The following HS6ST3 variants were observed in gnomAD, a reference collection of about 807,000 sequenced individuals.
HS6ST3 encodes heparan sulfate 6-O-sulfotransferase 3, also known as heparan-sulfate 6-O-sulfotransferase 3.
In HS6ST3, 12 loss-of-function variants were observed where a neutral mutation model predicts 36.7. That is an observed-to-expected ratio of 0.33 (90% CI 0.21 to 0.53). HS6ST3 has a LOEUF of 0.53. Ranked by LOEUF, HS6ST3 falls within the 20% of genes least tolerant of loss-of-function variation. The pLI is 0.95. For synonymous variants in HS6ST3, 240 were observed against 257.5 expected (o/e 0.93, Z 0.65); for missense variants, 584 against 640.9 (o/e 0.91, Z 0.96).
chr13:96,232,088 G>T (rs1016897313), intron 1 of HS6ST3, among the ~76,000 whole-genome samples: 1 of 152,140 alleles, frequency 6.6e-6, no homozygotes, highest in African/African-American at 2.4e-5. Context: ...TGGAAAAGAG[G>T]TACAGCACAT....
At chr13:96,634,181 C>A (rs909433421) in intron 1 of HS6ST3, among the ~76,000 whole-genome samples, 1 of 152,188 alleles carries the variant, frequency 6.6e-6, no homozygotes, top group Non-Finnish European at 1.5e-5. Context: ...TTTTAAGCCA[C>A]CCCATCTATG....
chr13:96,224,648 C>T (rs1025453525), intron 1 of HS6ST3, among the ~76,000 whole-genome samples: 5 of 152,190 alleles, frequency 3.3e-5, no homozygotes, highest in African/African-American at 1.2e-4. Context: ...ACAAAACAAC[C>T]TTGCTTATAT....
At chr13:96,094,885 A>G (rs774034602) in intron 1 of HS6ST3, among the ~76,000 whole-genome samples, 1 of 151,888 alleles carries the variant, frequency 6.6e-6, no homozygotes, top group Non-Finnish European at 1.5e-5. Flanking sequence ...TTTCCCCCTC[A>G]GTTATTTTTT....
At chr13:96,647,508 G>A (rs1374009152) in intron 1 of HS6ST3, among the ~76,000 whole-genome samples, 1 of 151,944 alleles carries the variant, frequency 6.6e-6, no homozygotes, top group Non-Finnish European at 1.5e-5. Flanking sequence ...TAAGTGCGAT[G>A]CCTTGTACCA....
intron 1 of HS6ST3, among the ~76,000 whole-genome samples, chr13:96,794,313 A>G (rs770506616): frequency 3.9e-5 from 6 of 152,100 alleles, no homozygotes; most frequent in Non-Finnish European, 8.8e-5. Context: ...AGTATATGCA[A>G]AACACATCTG....
At chr13:96,527,154 A>G (rs1405105802) in intron 1 of HS6ST3, among the ~76,000 whole-genome samples, 1 of 151,986 alleles carries the variant, frequency 6.6e-6, no homozygotes, top group Non-Finnish European at 1.5e-5. Context: ...CAGTGGAACA[A>G]TCACGGCTCA....
At chr13:96,364,058 GA>G (rs1234968022) in intron 1 of HS6ST3, among the ~76,000 whole-genome samples, 5 of 151,946 alleles carry the variant, frequency 3.3e-5, no homozygotes. Context: ...CATTCTTGAA[GA>G]AAAAATAATT....
At chr13:96,623,732 G>T (rs2056502978) in intron 1 of HS6ST3, among the ~76,000 whole-genome samples, 2 of 152,154 alleles carry the variant, frequency 1.3e-5, no homozygotes, top group African/African-American at 2.4e-5. Context: ...GTTGAGAGTG[G>T]TGTTACCTTC....
chr13:96,166,039 T>G (rs1159418614), intron 1 of HS6ST3, among the ~76,000 whole-genome samples: 1 of 151,078 alleles, frequency 6.6e-6, no homozygotes, highest in Non-Finnish European at 1.5e-5. Context: ...TTTATTTATT[T>G]ATTTATTTAT....
chr13:96,222,643 CA>C (rs2054461644), intron 1 of HS6ST3, among the ~76,000 whole-genome samples: 1 of 152,190 alleles, frequency 6.6e-6, no homozygotes, highest in Non-Finnish European at 1.5e-5. Flanking sequence ...GTACTGTATT[CA>C]GGCCTATCGC....
intron 1 of HS6ST3, among the ~76,000 whole-genome samples, chr13:96,481,215 T>G (rs2055888594): frequency 6.6e-6 from 1 of 152,168 alleles, no homozygotes. Flanking sequence ...AAAATCAAAG[T>G]GCACGTGACC....
chr13:96,258,477 G>A (rs1429332477), intron 1 of HS6ST3, among the ~76,000 whole-genome samples: 1 of 152,108 alleles, frequency 6.6e-6, no homozygotes, highest in Non-Finnish European at 1.5e-5. Context: ...TCTGGCTGTG[G>A]GATTAATTGT....
At chr13:96,700,537 CT>C (rs1221436065) in intron 1 of HS6ST3, among the ~76,000 whole-genome samples, 2 of 152,078 alleles carry the variant, frequency 1.3e-5, no homozygotes, top group African/African-American at 4.8e-5. Flanking sequence ...TACATTATTC[CT>C]TTTACATTCT....
chr13:96,750,537 A>G (rs1876675460), intron 1 of HS6ST3, among the ~76,000 whole-genome samples: 1 of 152,236 alleles, frequency 6.6e-6, no homozygotes, highest in African/African-American at 2.4e-5. Context: ...TGTGAATGAG[A>G]CAATTGTTTT....
At chr13:96,564,865 ACTAT>A (rs1179093014) in intron 1 of HS6ST3, among the ~76,000 whole-genome samples, 3 of 152,192 alleles carry the variant, frequency 2.0e-5, no homozygotes, top group Admixed American at 6.5e-5. Context: ...TCCATGAGAG[ACTAT>A]CTATTTTCCA....
At chr13:96,799,980 A>ATGTATATATATATGTGTG (rs1566456830) in intron 1 of HS6ST3, among the ~76,000 whole-genome samples, 1 of 76,634 alleles carries the variant, frequency 1.3e-5, no homozygotes, top group South Asian at 3.5e-4. Flanking sequence ...ATATATATAT[A>ATGTATATATATATGTGTG]TGTATATATA....
chr13:96,265,927 G>A (rs893250740), intron 1 of HS6ST3, among the ~76,000 whole-genome samples: 2 of 152,122 alleles, frequency 1.3e-5, no homozygotes, highest in African/African-American at 2.4e-5. Flanking sequence ...GCTTCACTTC[G>A]TTGTGGCTTT....
chr13:96,150,580 A>G (rs7995922), intron 1 of HS6ST3, among the ~76,000 whole-genome samples: 57,316 of 149,824 alleles, frequency 0.38, 10,206 homozygotes, highest in Middle Eastern at 0.44. Flanking sequence ...TCTACATTTT[A>G]CCACAAATCT....
At chr13:96,576,224 T>C (rs906072805) in intron 1 of HS6ST3, among the ~76,000 whole-genome samples, 1 of 152,086 alleles carries the variant, frequency 6.6e-6, no homozygotes, top group East Asian at 1.9e-4. Context: ...ACCTGGGATG[T>C]GCAAGGGAAA....
Sources: gnomAD v4.1 joint callset for allele counts (sites outside exome capture counted in the v4.1 genomes callset) on GRCh38, gnomAD v4.1.1 for gene constraint, MANE v1.5 for transcripts, NCBI Gene and HGNC (gene_info 2026-07-23, HGNC 2026-07-21) for gene names.